The following RIOK1 variants were observed in gnomAD, a reference collection of about 807,000 sequenced individuals.
RIOK1 encodes RIO kinase 1, also known as serine/threonine-protein kinase RIO1.
In RIOK1, 66 loss-of-function variants were observed where a neutral mutation model predicts 73.5. The ratio of observed to expected loss-of-function variants is 0.90; its 90% CI spans 0.74 to 1.10. The LOEUF is 1.10. Ranked by LOEUF, RIOK1 falls within the 50% of genes least tolerant of loss-of-function variation. RIOK1 has a pLI of 0.00. For synonymous variants in RIOK1, 224 were observed against 226.8 expected (o/e 0.99, Z 0.11); for missense variants, 658 against 699.8 (o/e 0.94, Z 0.67).
chr6:7,405,292 G>A lies in RIOK1; in HGVS notation c.1140G>A (p.Glu380=). 6.2e-7 allele frequency: 1 copy of A among 1,613,616 alleles called. No individual in the cohort carries two copies. Among genetic ancestry groups the A allele is most frequent in the Non-Finnish European group, 8.5e-7 (1 of 1,179,636 alleles). ...GTGTTGCTGTCATGACTGTGCGGGA[G>A]CTCTTTGAATTTGTCACAGATCCAT... is the stretch of plus-strand genomic sequence containing the variant. ...RHSVAVMTVR[E]LFEFVTDPSI... The change falls in exon 12 of 17, where the codon GAG becomes GAA. Residue 380 remains glutamate (E), a synonymous_variant. Coordinates refer to ENST00000379834, the MANE Select transcript of RIOK1 (RefSeq NM_031480.3).
intron 1 of RIOK1, among the ~76,000 whole-genome samples, chr6:7,391,792 G>A (rs961021853): frequency 1.4e-4 from 21 of 152,278 alleles, no homozygotes; most frequent in African/African-American, 3.8e-4. Flanking sequence ...CCCCCACAAC[G>A]AAGAATTATC....
chr6:7,404,917 G>A lies in RIOK1; in HGVS notation c.993-1G>A, dbSNP rs1433414353. On this transcript the variant is annotated splice_acceptor_variant, in intron 10 of 16. Coordinates refer to ENST00000379834, the MANE Select transcript of RIOK1 (RefSeq NM_031480.3). LOFTEE classifies it high-confidence loss of function. ...ACAGCTTCTGTGTCTCTGGCCCATA[G>A]GTACCACGGTGGAGGCGTGTATATC... 1 of 1,612,358 alleles carries A rather than the reference G, an allele frequency of 6.2e-7. No homozygotes were observed. The highest frequency in any genetic ancestry group is 8.5e-7 in the Non-Finnish European group (1 of 1,178,506).
chr6:7,413,502 A>G (rs965640428), intron 15 of RIOK1, among the ~76,000 whole-genome samples: 2 of 152,242 alleles, frequency 1.3e-5, no homozygotes, highest in Non-Finnish European at 2.9e-5. Context: ...TTCCTAATTG[A>G]AGACTTAAAT....
rs1472383488 is a variant in RIOK1 at position 7,406,913 on chromosome 6, C to T, written c.1203+1558C>T. On this transcript the variant is annotated intron_variant, in intron 12 of 16. Coordinates refer to ENST00000379834, the MANE Select transcript of RIOK1 (RefSeq NM_031480.3). ...CTGGCCTTAAGTGACCCGCCTGCAT[C>T]GGCCTCCCGAAGTGCTGGGATTGCA... is the stretch of plus-strand genomic sequence containing the variant. 3.3e-5 allele frequency among the ~76,000 whole-genome samples: 5 copies of T among 152,226 alleles called. 1 individual carries two copies. In the East Asian group the frequency reaches 7.7e-4, roughly 23 times the overall value.
chr6:7,402,194 T>C (rs2113511657), intron 6 of RIOK1, among the ~76,000 whole-genome samples: 2 of 152,324 alleles, frequency 1.3e-5, no homozygotes, highest in Middle Eastern at 3.4e-3. Flanking sequence ...CTAGATAGTA[T>C]AGCCTACTGC....
At chr6:7,403,189 T>G (rs1761656084) in intron 8 of RIOK1, among the ~76,000 whole-genome samples, 1 of 152,204 alleles carries the variant, frequency 6.6e-6, no homozygotes, top group Non-Finnish European at 1.5e-5. Flanking sequence ...ATTGAAAATG[T>G]TTAGAATTTA....
intron 13 of RIOK1, 108 bp downstream of exon 13, chr6:7,410,559 T>C: frequency 1.5e-6 from 1 of 683,120 alleles, no homozygotes; most frequent in South Asian, 1.8e-5. Context: ...AGCAGCTTTT[T>C]CAAATGATGG....
chr6:7,392,516 C>CT (rs762450615), intron 1 of RIOK1, among the ~76,000 whole-genome samples: 118 of 139,798 alleles, frequency 8.4e-4, no homozygotes, highest in East Asian at 4.7e-3. Flanking sequence ...TGTCAGAAAG[C>CT]TTTTTTTTTT....
chr6:7,405,436 G>T, intron 12 of RIOK1, 81 bp downstream of exon 12: 1 of 840,692 alleles, frequency 1.2e-6, no homozygotes, highest in Non-Finnish European at 1.9e-6. Flanking sequence ...GGGACCAGAA[G>T]TGTTTTGGAT....
intron 3 of RIOK1, among the ~76,000 whole-genome samples, chr6:7,395,459 G>A (rs1581711362): frequency 1.3e-5 from 2 of 149,402 alleles, no homozygotes; most frequent in East Asian, 3.9e-4. Context: ...GTTGTGATGA[G>A]CCGAGATTGT....
In RIOK1 at chr6:7,390,042, G is replaced by T. The variant is rs752842757; in HGVS notation, c.40G>T (p.Gly14Trp). The T allele has an allele frequency of 3.2e-6, 5 of 1,559,142 alleles. 1 individual carries two copies. The South Asian group carries it at 5.9e-5, about 18-fold the overall frequency. ...GCTTCTCATGAGCCGGGTGGTCCCC[G>T]GGCAATTCGACGACGCGGACTCCTC... Reference protein sequence around the residue: ...RRLLMSRVVPGQFDDADSSDS... With the variant: ...RRLLMSRVVPWQFDDADSSDS... Residue 14 changes from glycine (G) to tryptophan (W), a missense_variant, in exon 1 of 17, where the codon GGG becomes TGG. Coordinates refer to ENST00000379834, the MANE Select transcript of RIOK1 (RefSeq NM_031480.3).
Position 7,413,340 on chromosome 6 carries a change from A to T in RIOK1, c.1443+398A>T, listed in dbSNP as rs568761727. Among the ~76,000 whole-genome samples the T allele has an allele frequency of 5.3e-5, 8 of 152,320 alleles. No individual in the cohort carries two copies. In the East Asian group the frequency reaches 1.5e-3, roughly 29 times the overall value. ...ACCAGGGTATTACTTGTTAAAGAAC[A>T]ATCTCATGAGTTCAGCAAGTCCTGC... On this transcript the variant is annotated intron_variant, in intron 15 of 16. Transcript: ENST00000379834.
chr6:7,390,929 A>C (rs563616289), intron 1 of RIOK1, among the ~76,000 whole-genome samples: 1 of 152,332 alleles, frequency 6.6e-6, no homozygotes. Context: ...AGACCAGTTC[A>C]AAAATAATAA....
In RIOK1 at chr6:7,404,427, A is replaced by T; in HGVS notation, c.864A>T (p.Pro288=). The change falls in exon 10 of 17, where the codon CCA becomes CCT. Residue 288 remains proline (P), a synonymous_variant. Coordinates refer to ENST00000379834, the MANE Select transcript of RIOK1 (RefSeq NM_031480.3). ...GTTCTTTTCATTCAAGGCCTGCACC[A>T]CTCTTGAAAAATGTCCAGTTATCAG... ...SFIGKDDMPA[P]LLKNVQLSES... is the part of the protein sequence containing the mutation. 1 of 1,613,926 alleles carries T rather than the reference A, an allele frequency of 6.2e-7. No homozygotes were observed. The highest frequency in any genetic ancestry group is 8.5e-7 in the Non-Finnish European group (1 of 1,179,986).
Position 7,403,958 on chromosome 6 carries a change from T to C in RIOK1, c.785T>C (p.Ile262Thr), listed in dbSNP as rs1470864753. ...RNLIRLNTAE[I>T]PCPEPIMLRS... Reference sequence around the variant, plus strand: ...TATCACAGGCTAAACACAGCAGAGATACCATGTCCAGAACCAATAATGCTA... The same window carrying C: ...TATCACAGGCTAAACACAGCAGAGACACCATGTCCAGAACCAATAATGCTA... Residue 262 changes from isoleucine (I) to threonine (T), a missense_variant, in exon 9 of 17, where the codon ATA (isoleucine) becomes ACA (threonine). Transcript: ENST00000379834. 1.2e-6 allele frequency: 2 copies of C among 1,612,024 alleles called. No individual in the cohort carries two copies. The highest frequency in any genetic ancestry group is 8.5e-7 in the Non-Finnish European group (1 of 1,178,646).
chr6:7,394,995 G>C, intron 2 of RIOK1, 58 bp from the exon 3 acceptor site: 1 of 1,599,868 alleles, frequency 6.3e-7, no homozygotes, highest in Non-Finnish European at 8.5e-7. Context: ...GAAATGTGAT[G>C]ATGAATCTTA....
At position 7,414,349 on chromosome 6, in the gene RIOK1, C is replaced by T. The variant is rs56090491; in HGVS notation, c.1555C>T (p.Arg519Cys). The T allele has an allele frequency of 8.7e-4, 1,408 of 1,612,882 alleles. 2 individuals carry two copies. Among genetic ancestry groups the T allele is most frequent in the Middle Eastern group, 2.3e-3 (14 of 6,056 alleles). ...CTCTGAAGAGCAGGGAGACCATGCC[C>T]GCCCCAAGAAACACACCACGGACCC... Reference protein sequence around the residue: ...TDSEEQGDHARPKKHTTDPDI... With the variant: ...TDSEEQGDHACPKKHTTDPDI... Residue 519 changes from arginine to cysteine, a missense_variant, in exon 16 of 17, where the codon CGC becomes TGC. Transcript: ENST00000379834.
chr6:7,395,900 G>C (rs1252441353), intron 3 of RIOK1, among the ~76,000 whole-genome samples: 1 of 152,032 alleles, frequency 6.6e-6, no homozygotes, highest in African/African-American at 2.4e-5. Flanking sequence ...TAGAGACGGG[G>C]TTTCTCCATG....
rs113741715 is a variant in RIOK1 at position 7,404,925 on chromosome 6, G to A, written c.1000G>A (p.Gly334Ser). 37 of 1,613,236 alleles carry A rather than the reference G, an allele frequency of 2.3e-5. 1 individual carries two copies. The highest frequency in any genetic ancestry group is 2.0e-4 in the Admixed American group (12 of 59,962). ...TGTGTCTCTGGCCCATAGGTACCACGGTGGAGGCGTGTATATCATTGACGT... is the reference window on the plus strand; with the variant it reads ...TGTGTCTCTGGCCCATAGGTACCACAGTGGAGGCGTGTATATCATTGACGT... ...DLSEFNMLYHGGGVYIIDVSQ... is the reference protein window; with the variant it reads ...DLSEFNMLYHSGGVYIIDVSQ... The change falls in exon 11 of 17, where the codon GGT (glycine) becomes AGT (serine). Residue 334 changes from glycine to serine, a missense_variant. Transcript: ENST00000379834.
Sources: gnomAD v4.1 joint callset for allele counts (sites outside exome capture counted in the v4.1 genomes callset) on GRCh38, gnomAD v4.1.1 for gene constraint, MANE v1.5 for transcripts, NCBI Gene and HGNC (gene_info 2026-07-23, HGNC 2026-07-21) for gene names.